Variants in GRIN2A observed in about 807,000 individuals in gnomAD.
The protein encoded by GRIN2A is glutamate ionotropic receptor NMDA type subunit 2A.
A neutral mutation model predicts 113.4 loss-of-function variants in GRIN2A; 22 were observed. The observed-to-expected ratio is 0.19, with a 90% CI of 0.14 to 0.28. The LOEUF (loss-of-function observed/expected upper bound fraction) is 0.28, where lower values mean the gene tolerates loss of function less well. Among genes scored for constraint, GRIN2A ranks in the 10% least tolerant of loss-of-function variants. The pLI, the probability that GRIN2A is intolerant of heterozygous loss-of-function variation, is 1.00. For synonymous variants in GRIN2A, 827 were observed against 738.4 expected (o/e 1.12, Z -1.94); for missense variants, 1,502 against 1,887.0 (o/e 0.80, Z 3.78).
At chr16:9,845,640 C>G (rs1274370624) in intron 5 of GRIN2A, among the ~76,000 whole-genome samples, 1 of 152,210 alleles carries the variant, frequency 6.6e-6, no homozygotes, top group Non-Finnish European at 1.5e-5. Flanking sequence ...GTTTCCCAAA[C>G]TCCCAAGCTC....
chr16:9,798,024 T>C (rs1903107226), intron 11 of GRIN2A, among the ~76,000 whole-genome samples: 1 of 152,342 alleles, frequency 6.6e-6, no homozygotes, highest in East Asian at 1.9e-4. Context: ...TTTCTAAACC[T>C]ATTTAACTCT....
At chr16:10,124,319 G>A (rs1291237693) in intron 2 of GRIN2A, among the ~76,000 whole-genome samples, 6 of 152,102 alleles carry the variant, frequency 3.9e-5, no homozygotes, top group Admixed American at 6.5e-5. Flanking sequence ...ACCATGTAGG[G>A]ATACTATGAA....
intron 3 of GRIN2A, among the ~76,000 whole-genome samples, chr16:9,921,397 C>T (rs1345304644): frequency 1.3e-5 from 2 of 152,116 alleles, no homozygotes; most frequent in East Asian, 3.9e-4. Flanking sequence ...CTTTTCTTTC[C>T]CCTGAGAAGC....
intron 2 of GRIN2A, among the ~76,000 whole-genome samples, chr16:10,108,199 A>G (rs944527524): frequency 2.0e-5 from 3 of 152,316 alleles, no homozygotes; most frequent in Middle Eastern, 3.4e-3. Flanking sequence ...AGGCCTCACA[A>G]TCATGGTGGA....
At chr16:9,961,816 C>G (rs185813624) in intron 2 of GRIN2A, among the ~76,000 whole-genome samples, 2 of 152,252 alleles carry the variant, frequency 1.3e-5, no homozygotes, top group East Asian at 1.9e-4. Flanking sequence ...GCCCACAATG[C>G]CAAGTTAATC....
chr16:10,072,180 C>G (rs1345002467), intron 2 of GRIN2A, among the ~76,000 whole-genome samples: 1 of 152,192 alleles, frequency 6.6e-6, no homozygotes, highest in African/African-American at 2.4e-5. Context: ...AAGTGATGCC[C>G]TTTGTGGTTA....
chr16:9,934,088 T>C (rs2141617418), intron 3 of GRIN2A, among the ~76,000 whole-genome samples: 1 of 152,364 alleles, frequency 6.6e-6, no homozygotes, highest in South Asian at 2.1e-4. Flanking sequence ...TACATTATCA[T>C]TAATGTTTTA....
At chr16:10,017,748 T>C (rs1353161670) in intron 2 of GRIN2A, among the ~76,000 whole-genome samples, 1 of 152,084 alleles carries the variant, frequency 6.6e-6, no homozygotes, top group Non-Finnish European at 1.5e-5. Context: ...TTTAAGAGGG[T>C]GATAAATGAC....
At chr16:9,868,386 C>T (rs534676745) in intron 4 of GRIN2A, among the ~76,000 whole-genome samples, 9 of 152,208 alleles carry the variant, frequency 5.9e-5, no homozygotes, top group Non-Finnish European at 8.8e-5. Context: ...TATGCCTCAG[C>T]CTCCCAAGTA....
In GRIN2A at chr16:9,764,798, C is replaced by G. The variant is rs2141137419; in HGVS notation, c.2746G>C (p.Asp916His). Residue 916 changes from aspartate (D) to histidine (H), a missense_variant, in exon 13 of 13, where the codon GAC becomes CAC. Asp to His is a moderately conservative substitution (Grantham distance 81). Around this residue, in one of 7 missense-constraint regions of GRIN2A, gnomAD observed 832 missense variants for 789.7 expected, o/e 1.05. Transcript: ENST00000330684. Reference protein sequence around the residue: ...SMSNMNSSRMDSPKRAADFIQ... With the variant: ...SMSNMNSSRMHSPKRAADFIQ... Reference sequence around the variant, plus strand: ...AAGTCAGCAGCTCTTTTGGGTGAGTCCATTCTTGAGGAGTTCATGTTGGAC... The same window carrying G: ...AAGTCAGCAGCTCTTTTGGGTGAGTGCATTCTTGAGGAGTTCATGTTGGAC... 6.2e-7 allele frequency: 1 copy of G among 1,614,184 alleles called. No homozygotes were observed. Among genetic ancestry groups the G allele is most frequent in the Non-Finnish European group, 8.5e-7 (1 of 1,180,014 alleles).
At position 9,840,686 on chromosome 16, in the gene GRIN2A, A is replaced by C; in HGVS notation, c.1612T>G (p.Ser538Ala). 2 of 1,613,922 alleles carry C rather than the reference A, an allele frequency of 1.2e-6. No individual in the cohort carries two copies. Among genetic ancestry groups the C allele is most frequent in the Non-Finnish European group, 1.7e-6 (2 of 1,179,906 alleles). Residue 538 changes from serine to alanine, a missense_variant, in exon 7 of 13, where the codon TCA becomes GCA. Ser to Ala is a moderately conservative substitution (Grantham distance 99). Coordinates refer to ENST00000330684, the MANE Select transcript of GRIN2A (RefSeq NM_001134407.3). ...FVETGISVMV[S>A]RSNGTVSPSA... ...GGTGAGACGGTGCCATTACTTCTTG[A>C]AACCATGACACTGATTCCCGTTTCC...
intron 7 of GRIN2A, among the ~76,000 whole-genome samples, chr16:9,835,259 A>G (rs1221005958): frequency 6.6e-6 from 1 of 152,218 alleles, no homozygotes; most frequent in Non-Finnish European, 1.5e-5. Context: ...CTTAAAGGGT[A>G]GAGGCAATAA....
intron 2 of GRIN2A, among the ~76,000 whole-genome samples, chr16:10,028,278 C>A (rs147385921): frequency 8.9e-4 from 136 of 152,340 alleles, no homozygotes; most frequent in Non-Finnish European, 1.4e-3. Context: ...GTAAGTGGCA[C>A]AGCCATGATT....
intron 2 of GRIN2A, among the ~76,000 whole-genome samples, chr16:9,997,073 A>G (rs563354787): frequency 4.7e-4 from 71 of 152,326 alleles, no homozygotes; most frequent in African/African-American, 1.5e-3. Context: ...CTGACAACAC[A>G]GAAGAAAAAA....
chr16:9,862,537 A>G (rs2043089087), intron 4 of GRIN2A, among the ~76,000 whole-genome samples: 1 of 152,214 alleles, frequency 6.6e-6, no homozygotes, highest in African/African-American at 2.4e-5. Context: ...CAAATTTAAA[A>G]GCGGAAAAAT....
At chr16:9,850,208 G>A (rs975455674) in intron 4 of GRIN2A, among the ~76,000 whole-genome samples, 1 of 152,154 alleles carries the variant, frequency 6.6e-6, no homozygotes, top group Non-Finnish European at 1.5e-5. Flanking sequence ...GCAGTGCCCA[G>A]GCACTGATAC....
chr16:9,774,648 G>T (rs964513018), intron 11 of GRIN2A, among the ~76,000 whole-genome samples: 1 of 152,224 alleles, frequency 6.6e-6, no homozygotes, highest in Non-Finnish European at 1.5e-5. Flanking sequence ...AGGGCACGCA[G>T]GTGCAGAGAG....
At position 10,071,949 on chromosome 16, in the gene GRIN2A, C is replaced by A. The variant is rs562761008; in HGVS notation, c.414+108049G>T. Among the ~76,000 whole-genome samples, 41 of 152,286 alleles carry A rather than the reference C, an allele frequency of 2.7e-4. No individual in the cohort carries two copies. The South Asian group carries it at 4.6e-3, about 17-fold the overall frequency. ...AGGCACAGAAAGGTGGGTAGGTTGC[C>A]CACCTAAGTGATAGAGCTAAAATTC... On this transcript the variant is annotated intron_variant, in intron 2 of 12. Transcript: ENST00000330684.
At chr16:9,857,139 T>G (rs1261326348) in intron 4 of GRIN2A, among the ~76,000 whole-genome samples, 1 of 152,014 alleles carries the variant, frequency 6.6e-6, no homozygotes, top group South Asian at 2.1e-4. Flanking sequence ...TTGTCAAAGG[T>G]CATTAAAAAA....
Sources: gnomAD v4.1 joint callset for allele counts (sites outside exome capture counted in the v4.1 genomes callset) on GRCh38, gnomAD v4.1.1 for gene constraint, gnomAD v4.1.1 regional missense constraint, MANE v1.5 for transcripts, NCBI Gene and HGNC (gene_info 2026-07-23, HGNC 2026-07-21) for gene names.